DIS3L2: variants seen among roughly 807,000 people sequenced by gnomAD.
The protein encoded by DIS3L2 is DIS3-like exonuclease 2.
A neutral mutation model predicts 97.5 loss-of-function variants in DIS3L2; 34 were observed. The ratio of observed to expected loss-of-function variants is 0.35; its 90% CI spans 0.27 to 0.46. DIS3L2 has a LOEUF of 0.46. DIS3L2 is among the 20% of genes least tolerant of loss of function. The pLI is 1.00. For synonymous variants in DIS3L2, 435 were observed against 445.2 expected, an observed-to-expected ratio of 0.98 and a Z score of 0.29; for missense variants, 1,038 against 1,146.0, an observed-to-expected ratio of 0.91 and a Z score of 1.36.
intron 5 of DIS3L2, among the ~76,000 whole-genome samples, chr2:232,050,111 T>C (rs1248856470): frequency 1.3e-5 from 2 of 151,848 alleles, no homozygotes; most frequent in Non-Finnish European, 2.9e-5. Context: ...GTTGTTTGCT[T>C]AGTTTTCATT....
intron 12 of DIS3L2, among the ~76,000 whole-genome samples, chr2:232,256,325 C>A (rs897679884): frequency 6.6e-6 from 1 of 152,216 alleles, no homozygotes; most frequent in African/African-American, 2.4e-5. Flanking sequence ...GTGCTGCAGG[C>A]CCCCTCCCCA....
chr2:232,163,562 C>T lies in DIS3L2; in HGVS notation c.1054C>T (p.Leu352=). 6.2e-7 allele frequency: 1 copy of T among 1,614,102 alleles called. No homozygotes were observed. The highest frequency in any genetic ancestry group is 8.5e-7 in the Non-Finnish European group (1 of 1,180,026). ...TTTCTCTGATTTCTCTTCAGAAGTTCTAGAATGTCTTCCTCAAGGCCTGCC... is the reference window on the plus strand; with the variant it reads ...TTTCTCTGATTTCTCTTCAGAAGTTTTAGAATGTCTTCCTCAAGGCCTGCC... ...VDFSDFSSEV[L]ECLPQGLPWT... is the part of the protein sequence containing the mutation. Residue 352 remains leucine, a synonymous_variant, in exon 9 of 21, where the codon CTA becomes TTA. Transcript: ENST00000325385.
intron 6 of DIS3L2, among the ~76,000 whole-genome samples, chr2:232,096,902 G>A (rs1233985848): frequency 1.4e-4 from 21 of 152,052 alleles, no homozygotes; most frequent in Admixed American, 1.4e-3. Flanking sequence ...ACATATCTCT[G>A]TTTCTTCAGG....
intron 6 of DIS3L2, among the ~76,000 whole-genome samples, chr2:232,126,161 A>G (rs1247550225): frequency 6.6e-6 from 1 of 152,172 alleles, no homozygotes. Flanking sequence ...CCAGGGTTCT[A>G]TCAAATTCAT....
At chr2:232,127,917 T>A (rs1270563109) in intron 6 of DIS3L2, among the ~76,000 whole-genome samples, 1 of 152,170 alleles carries the variant, frequency 6.6e-6, no homozygotes, top group African/African-American at 2.4e-5. Flanking sequence ...TCCCCCTTCT[T>A]TTTGGGATTA....
intron 5 of DIS3L2, 98 bp downstream of exon 5, chr2:232,030,178 C>G (rs1694766479): frequency 2.7e-5 from 26 of 967,306 alleles, no homozygotes; most frequent in Non-Finnish European, 3.8e-5. Flanking sequence ...AGTCACAGAC[C>G]CCTTAGGCGC....
At chr2:232,251,285 A>G (rs1052470298) in intron 12 of DIS3L2, among the ~76,000 whole-genome samples, 1 of 152,192 alleles carries the variant, frequency 6.6e-6, no homozygotes, top group African/African-American at 2.4e-5. Flanking sequence ...GAATTTTTTT[A>G]AAAAAGAAGG....
rs767731939 is a variant in DIS3L2, at chr2:232,336,657, C to CCCCGCCTGCCTGT, written c.*34_*46dup. The CCCCGCCTGCCTGT allele has an allele frequency of 6.4e-7, 1 of 1,553,552 alleles. No individual in the cohort carries two copies. The highest frequency in any genetic ancestry group is 1.4e-5 in the African/African-American group (1 of 73,308). On this transcript the variant is annotated 3_prime_UTR_variant, in exon 21 of 21. Coordinates refer to ENST00000325385, the MANE Select transcript of DIS3L2 (RefSeq NM_152383.5). ...CTCCACCAGCCGCCTGCCCCGCCTG[C>CCCCGCCTGCCTGT]CCCGCCTGCCTGTCCCGCCACACTG...
chr2:231,966,172 T>C lies in DIS3L2; in HGVS notation c.-94+4407T>C, dbSNP rs868711521. Among the ~76,000 whole-genome samples the C allele has an allele frequency of 3.8e-5, 3 of 79,772 alleles. No homozygotes were observed. The African/African-American group carries it at 5.0e-4, about 13-fold the overall frequency. The allele number at this position is 79,772 out of a possible 152,430, so 52.3% of individuals were successfully genotyped here. On this transcript the variant is annotated intron_variant, in intron 1 of 20. Coordinates refer to ENST00000325385, the MANE Select transcript of DIS3L2 (RefSeq NM_152383.5). ...TTGACCAGAATTCTTCTTCTTCTTC[T>C]TTTTTTTTTTTTTTGAGACAGAGAC...
intron 10 of DIS3L2, among the ~76,000 whole-genome samples, chr2:232,217,093 G>A (rs1442034605): frequency 1.3e-5 from 2 of 152,104 alleles, no homozygotes; most frequent in African/African-American, 2.4e-5. Flanking sequence ...CGCCTGCCTT[G>A]GCCTCCCAAA....
intron 8 of DIS3L2, among the ~76,000 whole-genome samples, chr2:232,148,054 C>T (rs1255998303): frequency 6.8e-6 from 1 of 146,116 alleles, no homozygotes; most frequent in Admixed American, 6.9e-5. Flanking sequence ...CTCCCCTCCC[C>T]TCCCCTCTTT....
chr2:232,249,447 G>T, intron 12 of DIS3L2, 101 bp downstream of exon 12: 1 of 1,234,754 alleles, frequency 8.1e-7, no homozygotes, highest in Non-Finnish European at 1.2e-6. Context: ...TGCCATGGTG[G>T]TAAGACAAGG....
chr2:231,987,178 T>C (rs749920894), intron 1 of DIS3L2, among the ~76,000 whole-genome samples: 37 of 152,232 alleles, frequency 2.4e-4, no homozygotes, highest in Non-Finnish European at 4.4e-4. Context: ...GTCTAGTCTT[T>C]GTTAATTGTC....
chr2:232,029,006 T>C (rs1278265240), intron 4 of DIS3L2, among the ~76,000 whole-genome samples: 3 of 152,190 alleles, frequency 2.0e-5, no homozygotes, highest in Admixed American at 1.3e-4. Context: ...CCCCTTTTTT[T>C]GATTTGGTGA....
intron 5 of DIS3L2, among the ~76,000 whole-genome samples, chr2:232,079,650 A>G (rs114975664): frequency 0.021 from 3,226 of 150,232 alleles, 47 homozygotes; most frequent in Non-Finnish European, 0.028. Context: ...GTAAAGCTGG[A>G]TAAGGGGCTA....
intron 8 of DIS3L2, among the ~76,000 whole-genome samples, chr2:232,146,040 G>A (rs1017884033): frequency 1.3e-5 from 2 of 152,176 alleles, no homozygotes; most frequent in Non-Finnish European, 2.9e-5. Flanking sequence ...AGGAGACAGG[G>A]ATGGCTTCCT....
At chr2:232,048,782 G>A (rs752970978) in intron 5 of DIS3L2, among the ~76,000 whole-genome samples, 1 of 151,888 alleles carries the variant, frequency 6.6e-6, no homozygotes, top group African/African-American at 2.4e-5. Flanking sequence ...TGCTGTTGTT[G>A]AAGGAGGTTG....
chr2:232,169,187 A>G (rs1690910070), intron 9 of DIS3L2, among the ~76,000 whole-genome samples: 1 of 152,220 alleles, frequency 6.6e-6, no homozygotes, highest in African/African-American at 2.4e-5. Flanking sequence ...AGGAATGTCA[A>G]AAGAAGTAAG....
intron 6 of DIS3L2, among the ~76,000 whole-genome samples, chr2:232,097,183 T>C (rs1697047595): frequency 6.6e-6 from 1 of 152,198 alleles, no homozygotes; most frequent in South Asian, 2.1e-4. Flanking sequence ...TCTGCCTTGG[T>C]GGTCTTGGAT....
Sources: allele counts gnomAD v4.1 joint callset (sites outside exome capture counted in the v4.1 genomes callset), GRCh38; gene constraint gnomAD v4.1.1; transcripts MANE v1.5; gene names NCBI Gene and HGNC (gene_info 2026-07-23, HGNC 2026-07-21).